Variants in PCED1B observed in about 807,000 individuals in gnomAD.
PCED1B encodes the protein PC-esterase domain-containing protein 1B.
For synonymous variants in PCED1B, 251 were observed against 246.1 expected (o/e 1.02, Z -0.19); for missense variants, 573 against 573.9 (o/e 1.00, Z 0.02).
intron 3 of PCED1B, among the ~76,000 whole-genome samples, chr12:47,217,581 G>C (rs895090325): frequency 4.6e-5 from 7 of 151,972 alleles, no homozygotes; most frequent in Non-Finnish European, 1.0e-4. Flanking sequence ...GGTTGTTTTT[G>C]TTTTTGTTTT....
At chr12:47,114,978 G>A (rs934524370) in intron 2 of PCED1B, among the ~76,000 whole-genome samples, 8 of 152,160 alleles carry the variant, frequency 5.3e-5, no homozygotes, top group African/African-American at 1.9e-4. Flanking sequence ...TTACTCCAAA[G>A]TTGGTATCTT....
chr12:47,182,639 C>T (rs117070201), intron 2 of PCED1B, among the ~76,000 whole-genome samples: 80 of 151,816 alleles, frequency 5.3e-4, no homozygotes, highest in Non-Finnish European at 1.1e-3. Context: ...GTGCTTTATA[C>T]CTATTATCTT....
chr12:47,211,997 C>A (rs55711758), intron 2 of PCED1B, among the ~76,000 whole-genome samples: 28,539 of 149,702 alleles, frequency 0.19, 3,433 homozygotes, highest in Non-Finnish European at 0.28. Context: ...ATGGCGTGAA[C>A]CCGGGAGGCG....
At chr12:47,108,090 T>C (rs1939035483) in intron 2 of PCED1B, among the ~76,000 whole-genome samples, 1 of 152,140 alleles carries the variant, frequency 6.6e-6, no homozygotes, top group South Asian at 2.1e-4. Context: ...GCAACCAAGC[T>C]GGTGGGAAGC....
At chr12:47,105,100 C>A (rs1027257984) in intron 2 of PCED1B, among the ~76,000 whole-genome samples, 1 of 152,192 alleles carries the variant, frequency 6.6e-6, no homozygotes, top group Admixed American at 6.5e-5. Context: ...ATTTCTTTTG[C>A]CGCTTCAGGC....
chr12:47,215,086 GT>G (rs1345434327), intron 2 of PCED1B, among the ~76,000 whole-genome samples: 1 of 151,704 alleles, frequency 6.6e-6, no homozygotes, highest in Non-Finnish European at 1.5e-5. Flanking sequence ...ACCTTCTGTA[GT>G]CATGCATTTT....
chr12:47,123,584 AAC>A (rs1257848792), intron 2 of PCED1B, among the ~76,000 whole-genome samples: 1 of 152,104 alleles, frequency 6.6e-6, no homozygotes, highest in East Asian at 1.9e-4. Context: ...AAAAATTAAT[AAC>A]AGTTTCTTTT....
At chr12:47,199,817 G>T (rs1942711361) in intron 2 of PCED1B, among the ~76,000 whole-genome samples, 1 of 152,146 alleles carries the variant, frequency 6.6e-6, no homozygotes, top group African/African-American at 2.4e-5. Flanking sequence ...GTTTAGTTGT[G>T]AATTTGTAGC....
chr12:47,209,136 C>G (rs942784995), intron 2 of PCED1B: 24 of 152,444 alleles, frequency 1.6e-4, no homozygotes, highest in African/African-American at 5.8e-4. Context: ...ACCTCAGATT[C>G]CGGCTTCACT....
At chr12:47,204,265 AT>A (rs1245825463) in intron 2 of PCED1B, among the ~76,000 whole-genome samples, 5 of 145,988 alleles carry the variant, frequency 3.4e-5, no homozygotes, top group South Asian at 4.2e-4. Context: ...TGAATTTAAA[AT>A]TTTTTTTTTC....
At chr12:47,218,869 G>T (rs539590914) in intron 3 of PCED1B, among the ~76,000 whole-genome samples, 1 of 151,960 alleles carries the variant, frequency 6.6e-6, no homozygotes, top group Admixed American at 6.6e-5. Context: ...TGTGGAAAAA[G>T]GTGACTCAGG....
chr12:47,217,697 C>T (rs1408910406), intron 3 of PCED1B, among the ~76,000 whole-genome samples: 1 of 152,094 alleles, frequency 6.6e-6, no homozygotes, highest in Non-Finnish European at 1.5e-5. Context: ...GTGCCTCAGC[C>T]TCCCAAGTAG....
At chr12:47,186,223 AAAG>A (rs139726846) in intron 2 of PCED1B, among the ~76,000 whole-genome samples, 71,543 of 138,702 alleles carry the variant, frequency 0.52, 18,971 homozygotes, top group South Asian at 0.63. Flanking sequence ...GTCTAAAAAA[AAAG>A]AAAAAAAAAA....
intron 2 of PCED1B, among the ~76,000 whole-genome samples, chr12:47,140,110 G>T (rs1940538024): frequency 6.6e-6 from 1 of 152,108 alleles, no homozygotes; most frequent in African/African-American, 2.4e-5. Context: ...GCTTCTCCAG[G>T]ATTAAAAGAC....
chr12:47,103,946 A>G (rs1207256936), intron 1 of PCED1B, among the ~76,000 whole-genome samples, 167 bp from the exon 2 acceptor site: 1 of 152,208 alleles, frequency 6.6e-6, no homozygotes, highest in Non-Finnish European at 1.5e-5. Context: ...CATCCAGATG[A>G]GTAAAATCCT....
At chr12:47,082,079 G>A (rs977501158) in intron 1 of PCED1B, among the ~76,000 whole-genome samples, 2 of 152,186 alleles carry the variant, frequency 1.3e-5, no homozygotes, top group African/African-American at 4.8e-5. Context: ...AAAGATAAGA[G>A]TTGATCTTAA....
intron 2 of PCED1B, among the ~76,000 whole-genome samples, chr12:47,124,172 C>T (rs1367544181): frequency 6.6e-6 from 1 of 151,948 alleles, no homozygotes; most frequent in Non-Finnish European, 1.5e-5. Flanking sequence ...CCTAACAGTC[C>T]CTCCTTGCTT....
chr12:47,083,663 G>A (rs776800351), intron 1 of PCED1B, among the ~76,000 whole-genome samples: 148 of 152,088 alleles, frequency 9.7e-4, no homozygotes, highest in Non-Finnish European at 1.8e-3. Flanking sequence ...CATTTTCTGG[G>A]AAAACTCAGA....
At chr12:47,187,045 G>T (rs572529801) in intron 2 of PCED1B, among the ~76,000 whole-genome samples, 2 of 152,194 alleles carry the variant, frequency 1.3e-5, no homozygotes, top group African/African-American at 4.8e-5. Context: ...AAGGGAAAAT[G>T]GCTCTTGGGG....
Sources: allele counts gnomAD v4.1 joint callset (sites outside exome capture counted in the v4.1 genomes callset), GRCh38; gene constraint gnomAD v4.1.1; transcripts MANE v1.5; gene names NCBI Gene and HGNC (gene_info 2026-07-23, HGNC 2026-07-21).